The following ADGRL3 variants were observed in gnomAD, a reference collection of about 807,000 sequenced individuals.
ADGRL3 encodes the protein calcium-independent alpha-latrotoxin receptor 3.
Under a neutral mutation model 153.5 loss-of-function variants are expected in ADGRL3, and 62 were observed. That is an observed-to-expected ratio of 0.40 (90% CI 0.33 to 0.50). ADGRL3 has a LOEUF of 0.50. ADGRL3 is among the 20% of genes least tolerant of loss of function. ADGRL3 has a pLI of 0.47. For missense variants in ADGRL3, 1,641 were observed against 1,859.4 expected, an observed-to-expected ratio of 0.88 and a Z score of 2.16; for synonymous variants, 710 against 672.5, an observed-to-expected ratio of 1.06 and a Z score of -0.86.
intron 4 of ADGRL3, among the ~76,000 whole-genome samples, chr4:61,579,869 C>T (rs2098916266): frequency 6.6e-6 from 1 of 151,948 alleles, no homozygotes; most frequent in Admixed American, 6.6e-5. Context: ...TAGAAGTCTC[C>T]TGAGAGCATA....
At chr4:61,605,894 C>G (rs1285118009) in intron 5 of ADGRL3, among the ~76,000 whole-genome samples, 1 of 152,088 alleles carries the variant, frequency 6.6e-6, no homozygotes, top group Non-Finnish European at 1.5e-5. Flanking sequence ...CACATACACT[C>G]CTCAGCCAGG....
intron 5 of ADGRL3, among the ~76,000 whole-genome samples, chr4:61,673,060 G>A (rs989439015): frequency 2.0e-5 from 3 of 151,884 alleles, no homozygotes; most frequent in Admixed American, 2.0e-4. Flanking sequence ...AGGACATTAT[G>A]CTAGATGAAA....
chr4:61,715,773 C>T (rs1023666591), intron 6 of ADGRL3, among the ~76,000 whole-genome samples: 14 of 151,942 alleles, frequency 9.2e-5, no homozygotes, highest in Non-Finnish European at 1.5e-5. Flanking sequence ...AAAGTTGTCA[C>T]ATAGAACTTG....
intron 9 of ADGRL3, among the ~76,000 whole-genome samples, chr4:61,825,920 C>G (rs1333170897): frequency 1.3e-5 from 2 of 152,068 alleles, no homozygotes; most frequent in Non-Finnish European, 2.9e-5. Context: ...ATTGAAGGAA[C>G]CTGATCACTG....
intron 2 of ADGRL3, among the ~76,000 whole-genome samples, chr4:61,496,455 G>A (rs1475074826): frequency 6.6e-6 from 1 of 151,170 alleles, no homozygotes; most frequent in East Asian, 2.0e-4. Context: ...CCTGAGGTCG[G>A]GAGTTCAAGA....
chr4:61,663,358 C>T (rs963780043), intron 5 of ADGRL3, among the ~76,000 whole-genome samples: 4 of 152,178 alleles, frequency 2.6e-5, no homozygotes, highest in African/African-American at 9.6e-5. Flanking sequence ...CAATGCCAGC[C>T]GTAGATGCCA....
chr4:61,227,642 A>G (rs1176023123), intron 1 of ADGRL3, among the ~76,000 whole-genome samples: 1 of 152,188 alleles, frequency 6.6e-6, no homozygotes, highest in African/African-American at 2.4e-5. Flanking sequence ...CATGAAATAT[A>G]ATGTTTTTCC....
chr4:61,299,741 G>A (rs2094522746), intron 1 of ADGRL3, among the ~76,000 whole-genome samples: 1 of 152,126 alleles, frequency 6.6e-6, no homozygotes, highest in Admixed American at 6.5e-5. Flanking sequence ...GTATCTGAAT[G>A]TAACTCTTTA....
At chr4:61,339,346 A>G (rs1329689419) in intron 1 of ADGRL3, among the ~76,000 whole-genome samples, 2 of 152,206 alleles carry the variant, frequency 1.3e-5, no homozygotes, top group Non-Finnish European at 2.9e-5. Context: ...TGATTGTATC[A>G]GCATGGTTTT....
intron 4 of ADGRL3, among the ~76,000 whole-genome samples, chr4:61,551,367 T>A (rs1193883863): frequency 6.6e-6 from 1 of 152,042 alleles, no homozygotes; most frequent in Non-Finnish European, 1.5e-5. Flanking sequence ...TCAGCTAGAG[T>A]TAAAAATATG....
chr4:61,787,140 T>C (rs1417846547), intron 8 of ADGRL3, among the ~76,000 whole-genome samples: 2 of 152,178 alleles, frequency 1.3e-5, no homozygotes, highest in African/African-American at 4.8e-5. Flanking sequence ...TTATATTCTA[T>C]AAATGATAAA....
chr4:61,572,713 GATTA>G (rs905009647), intron 4 of ADGRL3, among the ~76,000 whole-genome samples: 19 of 152,016 alleles, frequency 1.2e-4, no homozygotes, highest in Admixed American at 1.0e-3. Flanking sequence ...AGCAAGTTGT[GATTA>G]ATTAAATTTT....
At chr4:61,933,485 G>C (rs1029595351) in intron 13 of ADGRL3, among the ~76,000 whole-genome samples, 2 of 152,024 alleles carry the variant, frequency 1.3e-5, no homozygotes, top group African/African-American at 2.4e-5. Context: ...TTAAACTCGT[G>C]AGAGACTTTT....
intron 21 of ADGRL3, among the ~76,000 whole-genome samples, chr4:62,013,898 A>ATT (rs35627844): frequency 3.3e-5 from 5 of 149,786 alleles, no homozygotes; most frequent in Admixed American, 6.6e-5. Context: ...AAAAAAAAAA[A>ATT]TTTTTTTTTT....
At chr4:61,763,685 A>G (rs1360396188) in intron 8 of ADGRL3, among the ~76,000 whole-genome samples, 2 of 152,194 alleles carry the variant, frequency 1.3e-5, no homozygotes, top group African/African-American at 4.8e-5. Flanking sequence ...AATTATGTTC[A>G]GTAATGAATG....
chr4:61,446,871 A>G (rs2097588837), intron 2 of ADGRL3, among the ~76,000 whole-genome samples: 1 of 152,180 alleles, frequency 6.6e-6, no homozygotes, highest in Non-Finnish European at 1.5e-5. Context: ...TTGCATTACA[A>G]TAAAAGGTAG....
chr4:61,565,104 T>C (rs2098811056), intron 4 of ADGRL3, among the ~76,000 whole-genome samples: 2 of 151,938 alleles, frequency 1.3e-5, no homozygotes, highest in Non-Finnish European at 1.5e-5. Context: ...ATTGGAAAAA[T>C]GGCACCAATA....
intron 15 of ADGRL3, among the ~76,000 whole-genome samples, chr4:61,937,406 T>C (rs2098843925): frequency 6.6e-6 from 1 of 151,976 alleles, no homozygotes; most frequent in Non-Finnish European, 1.5e-5. Context: ...GGGCATTTTT[T>C]TTTTTTTTGC....
intron 8 of ADGRL3, among the ~76,000 whole-genome samples, chr4:61,813,113 A>C (rs2148614452): frequency 6.6e-6 from 1 of 152,298 alleles, no homozygotes; most frequent in Admixed American, 6.5e-5. Flanking sequence ...ATTTACAGCA[A>C]GCTGGGCTCA....
Sources: allele counts gnomAD v4.1 joint callset (sites outside exome capture counted in the v4.1 genomes callset), GRCh38; gene constraint gnomAD v4.1.1; transcripts MANE v1.5; gene names NCBI Gene and HGNC (gene_info 2026-07-23, HGNC 2026-07-21).